The following CSMD3 variants were observed in gnomAD, a reference collection of about 807,000 sequenced individuals.
The protein encoded by CSMD3 is CUB and sushi domain-containing protein 3.
In CSMD3, 177 loss-of-function variants were observed where a neutral mutation model predicts 435.2. That is an observed-to-expected ratio of 0.41 (90% CI 0.36 to 0.46). The LOEUF (loss-of-function observed/expected upper bound fraction) is 0.46, where lower values mean the gene tolerates loss of function less well. CSMD3 is among the 20% of genes least tolerant of loss of function. The pLI, the probability that CSMD3 is intolerant of heterozygous loss-of-function variation, is 0.34. For missense variants in CSMD3, 4,265 were observed against 4,504.6 expected (o/e 0.95, Z 1.52); for synonymous variants, 1,656 against 1,520.5 (o/e 1.09, Z -2.07).
At chr8:112,435,238 A>C (rs1563942265) in intron 32 of CSMD3, among the ~76,000 whole-genome samples, 1 of 152,128 alleles carries the variant, frequency 6.6e-6, no homozygotes, top group Non-Finnish European at 1.5e-5. Flanking sequence ...GCGGGTAGAT[A>C]GCATTGAATT....
At chr8:112,970,146 T>C (rs986994311) in intron 7 of CSMD3, among the ~76,000 whole-genome samples, 1 of 152,036 alleles carries the variant, frequency 6.6e-6, no homozygotes, top group Non-Finnish European at 1.5e-5. Context: ...TAGATAATTC[T>C]AGAAATCCAG....
rs749886578 is a variant in CSMD3 at position 113,195,791 on chromosome 8, T to TTATATATATATATA, written c.515-21889_515-21876dup. 4.1e-3 allele frequency among the ~76,000 whole-genome samples: 512 copies of TTATATATATATATA among 125,816 alleles called. 3 individuals are homozygous for TTATATATATATATA. The highest frequency in any genetic ancestry group is 0.015 in the African/African-American group (486 of 32,032). 82.5% of individuals were successfully genotyped at this position (125,816 alleles called of 152,430 possible). ...ATATATAATATTCATATCCTATATT[T>TTATATATATATATA]TATATATATATATATATATATATAC... On this transcript the variant is annotated intron_variant, in intron 3 of 70. Transcript: ENST00000297405.
intron 13 of CSMD3, among the ~76,000 whole-genome samples, chr8:112,713,158 C>A (rs539619411): frequency 3.9e-4 from 60 of 151,986 alleles, no homozygotes; most frequent in African/African-American, 1.4e-3. Context: ...CAGGGGAGAT[C>A]CCACCCCTTA....
At chr8:112,373,753 GA>G (rs776436589) in intron 38 of CSMD3, among the ~76,000 whole-genome samples, 121 of 152,210 alleles carry the variant, frequency 7.9e-4, no homozygotes, top group Non-Finnish European at 1.5e-3. Flanking sequence ...CAGAAATTAT[GA>G]TGCCCTTTTC....
chr8:112,591,669 G>A (rs1198552673), intron 22 of CSMD3, among the ~76,000 whole-genome samples: 2 of 151,944 alleles, frequency 1.3e-5, no homozygotes, highest in African/African-American at 4.8e-5. Flanking sequence ...TAAACATATG[G>A]TATGCAAGTC....
At chr8:113,107,897 A>G (rs2090528355) in intron 4 of CSMD3, among the ~76,000 whole-genome samples, 2 of 152,290 alleles carry the variant, frequency 1.3e-5, no homozygotes, top group Admixed American at 1.3e-4. Context: ...CTATACCTAC[A>G]TATATAGTAG....
At chr8:113,276,301 G>A (rs1002594736) in intron 3 of CSMD3, among the ~76,000 whole-genome samples, 5 of 152,052 alleles carry the variant, frequency 3.3e-5, no homozygotes, top group East Asian at 1.9e-4. Context: ...CCAATCACAC[G>A]GACTTTAAAA....
intron 31 of CSMD3, among the ~76,000 whole-genome samples, chr8:112,476,186 C>T (rs1819032720): frequency 6.6e-6 from 1 of 152,080 alleles, no homozygotes; most frequent in Non-Finnish European, 1.5e-5. Context: ...GCTGGAATTA[C>T]AGCCATGCAC....
At chr8:112,312,104 G>A (rs182593152) in intron 49 of CSMD3, among the ~76,000 whole-genome samples, 69 of 152,148 alleles carry the variant, frequency 4.5e-4, no homozygotes, top group Middle Eastern at 3.4e-3. Flanking sequence ...TTCCTTTTAT[G>A]TTATCATGTA....
intron 38 of CSMD3, among the ~76,000 whole-genome samples, chr8:112,379,498 A>G (rs1461731046): frequency 6.6e-6 from 1 of 152,072 alleles, no homozygotes. Flanking sequence ...CTGAAAAGCT[A>G]CTAAATAGTG....
At chr8:113,228,948 A>G (rs947602373) in intron 3 of CSMD3, among the ~76,000 whole-genome samples, 6 of 151,616 alleles carry the variant, frequency 4.0e-5, no homozygotes, top group African/African-American at 1.5e-4. Context: ...AGATTCTCCC[A>G]CCACTTAAAT....
At chr8:112,346,319 T>C in intron 40 of CSMD3, 106 bp from the exon 41 acceptor site, 1 of 758,730 alleles carries the variant, frequency 1.3e-6, no homozygotes. Flanking sequence ...GAGTTAAAAC[T>C]GATATAAATT....
Position 112,390,678 on chromosome 8 carries a change from C to G in CSMD3, c.5920G>C (p.Gly1974Arg), listed in dbSNP as rs1472277228. 6.2e-7 allele frequency: 1 copy of G among 1,612,752 alleles called. No homozygotes were observed. The highest frequency in any genetic ancestry group is 8.5e-7 in the Non-Finnish European group (1 of 1,178,806). Residue 1974 changes from glycine to arginine, a missense_variant, in exon 36 of 71, where the codon GGA (glycine) becomes CGA (arginine). This residue lies in a region of CSMD3 where 3,255 missense variants were observed against 3,380.2 expected (regional missense o/e 0.96). Coordinates refer to ENST00000297405, the MANE Select transcript of CSMD3 (RefSeq NM_198123.2). ...AATATTCTTACTTGAATGCCAGCTC[C>G]CTCTGGCACTGTGATCTTCCACACA... ...NCVWKITVPEGAGIQVQVVSF... is the reference protein window; with the variant it reads ...NCVWKITVPERAGIQVQVVSF...
At chr8:112,871,457 C>T (rs147382369) in intron 10 of CSMD3, among the ~76,000 whole-genome samples, 253 of 151,972 alleles carry the variant, frequency 1.7e-3, no homozygotes, top group African/African-American at 3.6e-3. Context: ...CTGTAAAAAA[C>T]GGTTAAAACT....
intron 10 of CSMD3, among the ~76,000 whole-genome samples, chr8:112,873,121 T>C (rs959046843): frequency 6.6e-6 from 1 of 152,054 alleles, no homozygotes; most frequent in Non-Finnish European, 1.5e-5. Context: ...TACAAACTGT[T>C]TTTTTGTTTG....
At chr8:113,138,528 T>C (rs927149060) in intron 4 of CSMD3, among the ~76,000 whole-genome samples, 3 of 151,570 alleles carry the variant, frequency 2.0e-5, no homozygotes, top group South Asian at 4.1e-4. Context: ...ATAATGAAGA[T>C]GATTTGAAGT....
intron 45 of CSMD3, 73 bp from the exon 46 acceptor site, chr8:112,320,054 A>C (rs1822850329): frequency 1.1e-6 from 1 of 922,638 alleles, no homozygotes; most frequent in Non-Finnish European, 1.8e-6. Context: ...AAAAACAAGA[A>C]AATTATGGAA....
At chr8:112,425,266 TAGA>T (rs1429589910) in intron 32 of CSMD3, among the ~76,000 whole-genome samples, 1 of 152,236 alleles carries the variant, frequency 6.6e-6, no homozygotes, top group Non-Finnish European at 1.5e-5. Flanking sequence ...GAAAGATATC[TAGA>T]AGGTTATATT....
At chr8:112,513,390 C>A (rs1823330418) in intron 28 of CSMD3, among the ~76,000 whole-genome samples, 1 of 152,010 alleles carries the variant, frequency 6.6e-6, no homozygotes, top group South Asian at 2.1e-4. Context: ...AATAGGTAGG[C>A]CCAAGGAAAG....
Sources: allele counts gnomAD v4.1 joint callset (sites outside exome capture counted in the v4.1 genomes callset), GRCh38; gene constraint gnomAD v4.1.1; regional missense constraint gnomAD v4.1.1; transcripts MANE v1.5; gene names NCBI Gene and HGNC (gene_info 2026-07-23, HGNC 2026-07-21).